Variants in WDR11 observed in about 807,000 individuals in gnomAD.
WDR11 encodes the protein WD repeat domain 11, also known as WD repeat-containing protein 11.
WDR11 carries 83 observed loss-of-function variants against 151.2 expected under a neutral mutation model. The observed-to-expected ratio is 0.55, with a 90% confidence interval of 0.46 to 0.66. The LOEUF is 0.66. WDR11 is among the 30% of genes least tolerant of loss of function. The pLI is 0.00. For missense variants in WDR11, 1,301 were observed against 1,480.9 expected, an observed-to-expected ratio of 0.88 and a Z score of 1.99; for synonymous variants, 484 against 533.1, an observed-to-expected ratio of 0.91 and a Z score of 1.27.
At chr10:120,878,300 C>T (rs374383086) in intron 11 of WDR11, 53 bp from the exon 12 acceptor site, 6 of 1,389,306 alleles carry the variant, frequency 4.3e-6, no homozygotes, top group South Asian at 2.5e-5. Flanking sequence ...ATAAATGAAC[C>T]TTTCAAATAA....
Position 120,860,104 on chromosome 10 carries a change from T to A in WDR11, c.353-5T>A. On this transcript the variant is annotated splice_polypyrimidine_tract_variant and splice_region_variant and intron_variant, in intron 3 of 28. Transcript: ENST00000263461. Reference sequence around the variant, plus strand: ...ATTTTGCCTTTCTTTATCGGGTCTTTCCAGATGTTCAGTGGTTGTGGAATC... The same window carrying A: ...ATTTTGCCTTTCTTTATCGGGTCTTACCAGATGTTCAGTGGTTGTGGAATC... The A allele has an allele frequency of 6.2e-7, 1 of 1,614,136 alleles. No individual in the cohort carries two copies. Among genetic ancestry groups the A allele is most frequent in the Non-Finnish European group, 8.5e-7 (1 of 1,180,024 alleles).
At chr10:120,888,225 A>G (rs1847293070) in intron 16 of WDR11, among the ~76,000 whole-genome samples, 2 of 152,252 alleles carry the variant, frequency 1.3e-5, no homozygotes, top group Non-Finnish European at 2.9e-5. Flanking sequence ...CATGGCAGGC[A>G]TTGCTTTAAG....
chr10:120,865,954 G>A (rs1453933223), intron 7 of WDR11, among the ~76,000 whole-genome samples: 1 of 151,602 alleles, frequency 6.6e-6, no homozygotes, highest in Non-Finnish European at 1.5e-5. Flanking sequence ...ACATCAAAGA[G>A]AGTAAAATTT....
intron 6 of WDR11, 107 bp from the exon 7 acceptor site, chr10:120,865,523 A>AT (rs968258970): frequency 2.5e-3 from 1,906 of 753,736 alleles, no homozygotes; most frequent in Middle Eastern, 4.6e-3. Context: ...GGATTTGTCT[A>AT]TTTTTTTTTC....
chr10:120,870,186 T>A (rs1846486472), intron 9 of WDR11, among the ~76,000 whole-genome samples: 2 of 152,234 alleles, frequency 1.3e-5, no homozygotes, highest in South Asian at 4.1e-4. Context: ...CTATTTTTTC[T>A]ATATATTTTG....
chr10:120,888,059 T>A (rs530129306), intron 16 of WDR11, among the ~76,000 whole-genome samples: 68 of 152,326 alleles, frequency 4.5e-4, no homozygotes, highest in African/African-American at 1.5e-3. Flanking sequence ...AATGGTCAAT[T>A]ATTCAAACCA....
At chr10:120,900,789 G>C (rs1430909236) in intron 20 of WDR11, among the ~76,000 whole-genome samples, 1 of 152,074 alleles carries the variant, frequency 6.6e-6, no homozygotes, top group Non-Finnish European at 1.5e-5. Context: ...AAATTTCCTG[G>C]TTTCTTGAAA....
At chr10:120,898,076 C>T (rs952421626) in intron 19 of WDR11, among the ~76,000 whole-genome samples, 1 of 152,066 alleles carries the variant, frequency 6.6e-6, no homozygotes, top group Non-Finnish European at 1.5e-5. Context: ...CTAGTATCCA[C>T]ATTTTAAAAA....
In WDR11 at chr10:120,852,547, A is replaced by C; in HGVS notation, c.110A>C (p.Tyr37Ser). Residue 37 changes from tyrosine (Y) to serine (S), a missense_variant, in exon 2 of 29, where the codon TAT becomes TCT. Physicochemically the swap from Tyr to Ser is moderately radical, Grantham distance 144. Coordinates refer to ENST00000263461, the MANE Select transcript of WDR11 (RefSeq NM_018117.12). ...VDWGWQGLIAYGCHSLVVVID... is the reference protein window; with the variant it reads ...VDWGWQGLIASGCHSLVVVID... Reference sequence around the variant, plus strand: ...AGGGGCTGGCAAGGTTTAATTGCTTATGGATGTCATTCACTTGTGGTAGTG... The same window carrying C: ...AGGGGCTGGCAAGGTTTAATTGCTTCTGGATGTCATTCACTTGTGGTAGTG... The C allele has an allele frequency of 6.2e-7, 1 of 1,614,052 alleles. No individual in the cohort carries two copies.
intron 15 of WDR11, 34 bp from the exon 16 acceptor site, chr10:120,886,655 A>AG: frequency 6.2e-7 from 1 of 1,609,902 alleles, no homozygotes; most frequent in South Asian, 1.1e-5. Context: ...GGGGAAAAAA[A>AG]AACATCTTTA....
In WDR11 at chr10:120,903,114, G is replaced by A; in HGVS notation, c.2813G>A (p.Ser938Asn). 6.2e-7 allele frequency: 1 copy of A among 1,614,182 alleles called. No individual in the cohort carries two copies. Among genetic ancestry groups the A allele is most frequent in the Non-Finnish European group, 8.5e-7 (1 of 1,180,042 alleles). ...ACTGTCGCTGCCCACTACCTGCACA[G>A]CTTATCCCAGGAAAAGTCAGCCAGC... ...FWTVAAHYLH[S>N]LSQEKSASTT... Residue 938 changes from serine (S) to asparagine (N), a missense_variant, in exon 23 of 29, where the codon AGC (serine) becomes AAC (asparagine). Ser to Asn is a conservative substitution (Grantham distance 46, BLOSUM62 1). Coordinates refer to ENST00000263461, the MANE Select transcript of WDR11 (RefSeq NM_018117.12).
At position 120,901,041 on chromosome 10, in the gene WDR11, A is replaced by G. The variant is rs1335113530; in HGVS notation, c.2630A>G (p.Tyr877Cys). 2 of 1,611,226 alleles carry G rather than the reference A, an allele frequency of 1.2e-6. No individual in the cohort carries two copies. Among genetic ancestry groups the G allele is most frequent in the Non-Finnish European group, 1.7e-6 (2 of 1,177,592 alleles). ...TCAAAATTTTTTCTTTACAGTGACT[A>G]TCCAGAAAATGAAGAAATAAAGAAT... Reference protein sequence around the residue: ...QYSLDISHVDYPENEEIKNLL... With the variant: ...QYSLDISHVDCPENEEIKNLL... Residue 877 changes from tyrosine (Y) to cysteine (C), a missense_variant, in exon 21 of 29, where the codon TAT becomes TGT. Tyr to Cys is a radical substitution (Grantham distance 194). Coordinates refer to ENST00000263461, the MANE Select transcript of WDR11 (RefSeq NM_018117.12).
intron 2 of WDR11, among the ~76,000 whole-genome samples, chr10:120,856,732 T>A (rs942722331): frequency 3.3e-5 from 5 of 151,632 alleles, no homozygotes; most frequent in Non-Finnish European, 5.9e-5. Flanking sequence ...ATTATTAAAA[T>A]ATATATATAT....
At chr10:120,866,487 T>G (rs1846316432) in intron 7 of WDR11, 82 bp from the exon 8 acceptor site, 1 of 1,534,084 alleles carries the variant, frequency 6.5e-7, no homozygotes, top group Admixed American at 1.7e-5. Flanking sequence ...CCAAATTTAG[T>G]TGAGGTTTTA....
chr10:120,860,023 A>T, intron 3 of WDR11, 86 bp from the exon 4 acceptor site: 1 of 1,508,890 alleles, frequency 6.6e-7, no homozygotes, highest in Non-Finnish European at 9.2e-7. Flanking sequence ...ATTATATTTT[A>T]AAAACTAAAT....
intron 4 of WDR11, among the ~76,000 whole-genome samples, chr10:120,862,063 C>G (rs1846157269): frequency 6.6e-6 from 1 of 151,716 alleles, no homozygotes. Flanking sequence ...ATATGCAGAG[C>G]CTCTTAAGTA....
chr10:120,882,060 G>T (rs566527286), intron 13 of WDR11, among the ~76,000 whole-genome samples: 37 of 152,126 alleles, frequency 2.4e-4, no homozygotes, highest in Non-Finnish European at 4.1e-4. Context: ...TTATGAGTAG[G>T]TGTTGAATTT....
chr10:120,895,260 C>T (rs1353508075), intron 19 of WDR11, among the ~76,000 whole-genome samples: 1 of 152,152 alleles, frequency 6.6e-6, no homozygotes, highest in Non-Finnish European at 1.5e-5. Context: ...ATACCAACAA[C>T]TATCTACATG....
In WDR11 at chr10:120,900,076, T is replaced by G. The variant is rs1847758191; in HGVS notation, c.2563T>G (p.Leu855Val). 2 of 1,614,046 alleles carry G rather than the reference T, an allele frequency of 1.2e-6. No individual in the cohort carries two copies. The highest frequency in any genetic ancestry group is 2.7e-5 in the African/African-American group (2 of 74,922). Residue 855 changes from leucine (L) to valine (V), a missense_variant, in exon 20 of 29, where the codon TTG becomes GTG. Physicochemically the swap from Leu to Val is conservative, Grantham distance 32. Transcript: ENST00000263461. The stretch of plus-strand genomic sequence containing the variant: ...CCTTGTTCCAAGGGCCTCTCTTGCC[T>G]TGAAAGCCTTCTTATTACACCAGCC... ...YLLVPRASLALKAFLLHQPWN... is the reference protein window; with the variant it reads ...YLLVPRASLAVKAFLLHQPWN...
Sources: gnomAD v4.1 joint callset for allele counts (sites outside exome capture counted in the v4.1 genomes callset) on GRCh38, gnomAD v4.1.1 for gene constraint, MANE v1.5 for transcripts, NCBI Gene and HGNC (gene_info 2026-07-23, HGNC 2026-07-21) for gene names.